SPTBN4: variants seen among roughly 807,000 people sequenced by gnomAD.
SPTBN4 encodes the protein spectrin beta chain, non-erythrocytic 4.
SPTBN4 carries 96 observed loss-of-function variants against 277.8 expected under a neutral mutation model. The ratio of observed to expected loss-of-function variants is 0.35; its 90% CI spans 0.29 to 0.41. The LOEUF (loss-of-function observed/expected upper bound fraction) is 0.41. Ranked by LOEUF, SPTBN4 falls within the 10% of genes least tolerant of loss-of-function variation. The probability of loss-of-function intolerance (pLI) is 1.00; values close to 1 mark genes in which losing one functional copy is unlikely to be tolerated. For synonymous variants in SPTBN4, 1,481 were observed against 1,580.3 expected (o/e 0.94, Z 1.49); for missense variants, 3,006 against 3,595.7 (o/e 0.84, Z 4.19).
chr19:40,553,325 T>C (rs1203454973), intron 22 of SPTBN4, among the ~76,000 whole-genome samples: 1 of 152,008 alleles, frequency 6.6e-6, no homozygotes, highest in African/African-American at 2.4e-5. Context: ...CCAAAAATAT[T>C]TTTTAAAATA....
At chr19:40,532,592 A>G (rs768871686) in intron 18 of SPTBN4, 33 bp from the exon 19 acceptor site, 2 of 1,589,146 alleles carry the variant, frequency 1.3e-6, no homozygotes. Flanking sequence ...GGTTGAGGGG[A>G]CCAGCTGAGC....
At chr19:40,547,695 TTTCCTGAC>T (rs1251257205) in intron 20 of SPTBN4, among the ~76,000 whole-genome samples, 2 of 152,192 alleles carry the variant, frequency 1.3e-5, no homozygotes, top group Non-Finnish European at 2.9e-5. Context: ...GCATCTGTTG[TTTCCTGAC>T]TTTTTAATGA....
At chr19:40,559,963 G>A (rs2081024692) in intron 26 of SPTBN4, among the ~76,000 whole-genome samples, 196 bp from the exon 27 acceptor site, 1 of 152,232 alleles carries the variant, frequency 6.6e-6, no homozygotes, top group African/African-American at 2.4e-5. Context: ...AAAGAGATGT[G>A]GTAGTAGATC....
In SPTBN4 at chr19:40,498,377, A is replaced by AT. The variant is rs761218962; in HGVS notation, c.784+776dup. Among the ~76,000 whole-genome samples the AT allele has an allele frequency of 7.1e-4, 60 of 84,238 alleles. 1 individual carries two copies. The South Asian group carries it at 0.01, about 14-fold the overall frequency. 55.3% of individuals were successfully genotyped at this position (84,238 alleles called of 152,430 possible). The stretch of plus-strand genomic sequence containing the variant: ...TATCAACCCTGTTTTATTTTATTTT[A>AT]TTTATTTATTTATTTATTTATTTAT... On this transcript the variant is annotated intron_variant, in intron 7 of 35. Coordinates refer to ENST00000598249, the MANE Select transcript of SPTBN4 (RefSeq NM_020971.3).
rs57692095 is a variant in SPTBN4 at position 40,548,714 on chromosome 19, C to CAA, written c.4360-463_4360-462dup. 1.1e-3 allele frequency among the ~76,000 whole-genome samples: 132 copies of CAA among 117,086 alleles called. 1 individual carries two copies. The highest frequency in any genetic ancestry group is 3.9e-3 in the African/African-American group (126 of 32,064). 76.8% of individuals were successfully genotyped at this position (117,086 alleles called of 152,430 possible). A position where few individuals can be genotyped will look rare whatever the true frequency, so the allele number is the denominator to read the frequency against. On this transcript the variant is annotated intron_variant, in intron 20 of 35. Coordinates refer to ENST00000598249, the MANE Select transcript of SPTBN4 (RefSeq NM_020971.3). ...TGGGCAACAGAGCGAGACTCCATCT[C>CAA]AAAAAAAAAAAAAGCGTTAACAAAA... is the stretch of plus-strand genomic sequence containing the variant.
At chr19:40,539,079 C>T (rs2080770417) in intron 20 of SPTBN4, among the ~76,000 whole-genome samples, 1 of 152,342 alleles carries the variant, frequency 6.6e-6, no homozygotes, top group Non-Finnish European at 1.5e-5. Context: ...CTGAAGCATC[C>T]ATCCACCTCG....
chr19:40,569,567 T>G, intron 31 of SPTBN4, 90 bp from the exon 32 acceptor site: 1 of 1,350,334 alleles, frequency 7.4e-7, no homozygotes, highest in Non-Finnish European at 1.0e-6. Flanking sequence ...CACTTCCAGC[T>G]AAGAAGTGGA....
At chr19:40,537,938 T>C (rs1041992768) in intron 20 of SPTBN4, among the ~76,000 whole-genome samples, 31 of 152,048 alleles carry the variant, frequency 2.0e-4, no homozygotes, top group Non-Finnish European at 4.1e-4. Flanking sequence ...GACAAAGGTG[T>C]GAGTGGAGAA....
At chr19:40,504,170 G>A (rs905701839) in intron 12 of SPTBN4, 38 bp downstream of exon 12, 6 of 1,494,884 alleles carry the variant, frequency 4.0e-6, no homozygotes, top group Admixed American at 3.6e-5. Context: ...TGGAGTGCCA[G>A]GAGGGAGGGG....
Position 40,570,707 on chromosome 19 carries a change from C to T in SPTBN4, c.7298C>T (p.Ala2433Val). The change falls in exon 33 of 36, where the codon GCT (alanine) becomes GTT (valine). Residue 2433 changes from alanine to valine, a missense_variant. This residue lies in a region of SPTBN4 where 630 missense variants were observed against 677.6 expected (regional missense o/e 0.93). Coordinates refer to ENST00000598249, the MANE Select transcript of SPTBN4 (RefSeq NM_020971.3). ...GFLLRKRELD[A>V]NRKSSNRSWV... ...CTACTGCGCAAGCGCGAGCTCGACG[C>T]TAACCGCAAGTCGTCCAACCGGTGA... 1 of 1,608,400 alleles carries T rather than the reference C, an allele frequency of 6.2e-7. No homozygotes were observed. Among genetic ancestry groups the T allele is most frequent in the African/African-American group, 1.3e-5 (1 of 74,762 alleles).
chr19:40,470,162 C>G (rs2079868981), intron 1 of SPTBN4, among the ~76,000 whole-genome samples: 1 of 151,538 alleles, frequency 6.6e-6, no homozygotes, highest in South Asian at 2.1e-4. Context: ...CCATGCCTGG[C>G]TAATTTCTTG....
chr19:40,570,516 G>C lies in SPTBN4; in HGVS notation c.7107G>C (p.Pro2369=). 2.0e-6 allele frequency: 3 copies of C among 1,505,536 alleles called. No individual in the cohort carries two copies. The highest frequency in any genetic ancestry group is 2.6e-6 in the Non-Finnish European group (3 of 1,134,180). The allele number at this position is 1,505,536 out of a possible 1,614,324, so 93.3% of individuals were successfully genotyped here. The change falls in exon 33 of 36, where the codon CCG becomes CCC. Residue 2369 remains proline, a synonymous_variant. Coordinates refer to ENST00000598249, the MANE Select transcript of SPTBN4 (RefSeq NM_020971.3). ...GLELPERTPR[P]DRPRARDRPK... ...AGCTGCCCGAGCGGACACCTCGGCCGGACCGGCCCCGGGCGCGGGACCGGC... is the reference window on the plus strand; with the variant it reads ...AGCTGCCCGAGCGGACACCTCGGCCCGACCGGCCCCGGGCGCGGGACCGGC...
intron 3 of SPTBN4, among the ~76,000 whole-genome samples, chr19:40,489,759 T>C (rs1332262713): frequency 2.0e-5 from 3 of 148,704 alleles, no homozygotes; most frequent in Non-Finnish European, 4.4e-5. Flanking sequence ...GACTATGGGC[T>C]AGGAGGGCGG....
At chr19:40,517,168 A>T (rs1304603173) in intron 15 of SPTBN4, among the ~76,000 whole-genome samples, 2 of 152,194 alleles carry the variant, frequency 1.3e-5, no homozygotes, top group Admixed American at 6.6e-5. Context: ...ACTACCCCAC[A>T]TTAGAGAGGA....
chr19:40,539,597 G>A (rs933951610), intron 20 of SPTBN4, among the ~76,000 whole-genome samples: 4 of 150,868 alleles, frequency 2.7e-5, no homozygotes, highest in Admixed American at 1.3e-4. Flanking sequence ...CTGCCTCAGC[G>A]TCCTCCTGAG....
chr19:40,479,032 C>T (rs1043650276), intron 2 of SPTBN4, among the ~76,000 whole-genome samples: 2 of 152,196 alleles, frequency 1.3e-5, no homozygotes, highest in Non-Finnish European at 2.9e-5. Context: ...ACTCAAAGTG[C>T]AAATATGACG....
Position 40,519,693 on chromosome 19 carries a change from C to G in SPTBN4, c.3196C>G (p.Leu1066Val). The change falls in exon 16 of 36, where the codon CTG (leucine) becomes GTG (valine). Residue 1066 changes from leucine to valine, a missense_variant. Around this residue, in one of 5 missense-constraint regions of SPTBN4, gnomAD observed 1,759 missense variants for 2,061.5 expected, o/e 0.85. Transcript: ENST00000598249. This position sits in a 1 kb window ranked among gnomAD's most constrained non-coding sequence, Gnocchi z 5.7. Reference sequence around the variant, plus strand: ...GCGGCTGCACCAGGGCGCGGAGGAGCTGGGCGCCGAGTGGGGCGCGCTAGC... The same window carrying G: ...GCGGCTGCACCAGGGCGCGGAGGAGGTGGGCGCCGAGTGGGGCGCGCTAGC... ...AARLHQGAEE[L>V]GAEWGALASA... The G allele has an allele frequency of 7.2e-7, 1 of 1,389,554 alleles. No homozygotes were observed. Among genetic ancestry groups the G allele is most frequent in the Non-Finnish European group, 9.2e-7 (1 of 1,082,830 alleles). 86.1% of individuals were successfully genotyped at this position (1,389,554 alleles called of 1,614,324 possible).
rs1202471307 is a variant in SPTBN4 at position 40,515,924 on chromosome 19, T to TATATACACAC, written c.2903+482_2903+491dup. On this transcript the variant is annotated intron_variant, in intron 15 of 35. Coordinates refer to ENST00000598249, the MANE Select transcript of SPTBN4 (RefSeq NM_020971.3). The surrounding 1 kb of genome is among the most constrained non-coding windows in gnomAD (Gnocchi z 4.1). Reference sequence around the variant, plus strand: ...CAAAATATATATATACACACACATATATATACACACATATATACGTATATA... The same window carrying TATATACACAC: ...CAAAATATATATATACACACACATATATATACACACATATACACACATATATACGTATATA... 2.3e-4 allele frequency among the ~76,000 whole-genome samples: 25 copies of TATATACACAC among 109,346 alleles called. No homozygotes were observed. The highest frequency in any genetic ancestry group is 1.3e-3 in the African/African-American group (24 of 19,030). The allele number at this position is 109,346 out of a possible 152,430, so 71.7% of individuals were successfully genotyped here.
chr19:40,483,593 G>C (rs1458834021), intron 2 of SPTBN4, among the ~76,000 whole-genome samples: 1 of 152,134 alleles, frequency 6.6e-6, no homozygotes, highest in Non-Finnish European at 1.5e-5. Flanking sequence ...TATCTTGTTT[G>C]TGTCAGTGTG....
Sources: allele counts gnomAD v4.1 joint callset (sites outside exome capture counted in the v4.1 genomes callset), GRCh38; gene constraint gnomAD v4.1.1; regional missense constraint gnomAD v4.1.1; non-coding constraint Gnocchi (gnomAD v3.1); transcripts MANE v1.5; gene names NCBI Gene and HGNC (gene_info 2026-07-23, HGNC 2026-07-21).